Variants in LHFPL1 observed in about 807,000 individuals in gnomAD.
LHFPL1 encodes LHFPL tetraspan subfamily member 1 protein.
In LHFPL1, 4 loss-of-function variants were observed where a neutral mutation model predicts 12.1. The observed-to-expected ratio is 0.33, with a 90% CI of 0.16 to 0.76. The LOEUF (loss-of-function observed/expected upper bound fraction) is 0.76, where lower values mean the gene tolerates loss of function less well. Ranked by LOEUF, LHFPL1 falls within the 30% of genes least tolerant of loss-of-function variation. The pLI, the probability that LHFPL1 is intolerant of heterozygous loss-of-function variation, is 0.61. For synonymous variants in LHFPL1, 52 were observed against 61.9 expected, an observed-to-expected ratio of 0.84 and a Z score of 0.75; for missense variants, 141 against 174.1, an observed-to-expected ratio of 0.81 and a Z score of 1.07.
At chrX:112,656,590 A>G (rs1318171447) in intron 3 of LHFPL1, among the ~76,000 whole-genome samples, 1 of 111,850 alleles carries the variant, frequency 8.9e-6, no homozygotes, top group African/African-American at 3.2e-5. Flanking sequence ...CTATTCTCAG[A>G]TAACATGATT....
intron 3 of LHFPL1, 28 bp from the exon 4 acceptor site, chrX:112,631,629 A>G (rs1242809627): frequency 1.8e-6 from 2 of 1,081,468 alleles, no homozygotes; most frequent in African/African-American, 1.8e-5. Context: ...GAGAATGAGG[A>G]TTGGGTTGTC....
At chrX:112,650,220 G>A (rs1490210187) in intron 3 of LHFPL1, among the ~76,000 whole-genome samples, 3 of 110,808 alleles carry the variant, frequency 2.7e-5, no homozygotes, top group East Asian at 2.8e-4. Context: ...TTGCACCCTC[G>A]GTTTCTCAGA....
chrX:112,670,115 T>C (rs1931454272), intron 2 of LHFPL1, among the ~76,000 whole-genome samples: 1 of 112,353 alleles, frequency 8.9e-6, no homozygotes, highest in African/African-American at 3.2e-5. Flanking sequence ...GAGATAATAA[T>C]GATAATGAAT....
chrX:112,663,743 C>G (rs971379763), intron 2 of LHFPL1, among the ~76,000 whole-genome samples: 1 of 111,848 alleles, frequency 8.9e-6, no homozygotes, highest in Non-Finnish European at 1.9e-5. Flanking sequence ...AACAATATCT[C>G]TAGCAAGGCA....
intron 3 of LHFPL1, among the ~76,000 whole-genome samples, chrX:112,647,325 G>A (rs1930720063): frequency 8.9e-6 from 1 of 111,820 alleles, no homozygotes; most frequent in Non-Finnish European, 1.9e-5. Context: ...ATTGACAAAT[G>A]GGATCTAATT....
At chrX:112,645,840 G>A (rs1468767096) in intron 3 of LHFPL1, among the ~76,000 whole-genome samples, 1 of 111,879 alleles carries the variant, frequency 8.9e-6, no homozygotes, top group Non-Finnish European at 1.9e-5. Flanking sequence ...GAAAAGCATT[G>A]CACTTGACAG....
At chrX:112,635,796 T>G (rs1199990557) in intron 3 of LHFPL1, among the ~76,000 whole-genome samples, 4 of 111,408 alleles carry the variant, frequency 3.6e-5, no homozygotes. Flanking sequence ...GTGAGCAAAG[T>G]TATGTGAGTG....
intron 3 of LHFPL1, among the ~76,000 whole-genome samples, chrX:112,655,925 G>T (rs1930985963): frequency 9.0e-6 from 1 of 111,464 alleles, no homozygotes; most frequent in South Asian, 3.8e-4. Context: ...AAAAAACAAA[G>T]TTGGTAATCT....
chrX:112,674,971 C>A (rs761907466), intron 1 of LHFPL1, among the ~76,000 whole-genome samples: 11 of 111,539 alleles, frequency 9.9e-5, no homozygotes, highest in Non-Finnish European at 2.1e-4. Context: ...ATTATTGCAG[C>A]GACCTGGATG....
intron 3 of LHFPL1, among the ~76,000 whole-genome samples, chrX:112,655,352 C>T (rs931483700): frequency 1.8e-5 from 2 of 111,970 alleles, no homozygotes; most frequent in Admixed American, 1.9e-4. Context: ...TATCTTTAAT[C>T]CAATGCAGAC....
At chrX:112,650,408 C>T (rs1180101683) in intron 3 of LHFPL1, among the ~76,000 whole-genome samples, 2 of 111,403 alleles carry the variant, frequency 1.8e-5, no homozygotes, top group Admixed American at 1.9e-4. Flanking sequence ...CACACATTGC[C>T]TTCATTTTCC....
rs1404777250 is a variant in LHFPL1 at position 112,674,418 on chromosome X, C to A, written c.-14-3014G>T. Among the ~76,000 whole-genome samples the A allele has an allele frequency of 2.7e-5, 3 of 111,075 alleles. No individual in the cohort carries two copies. In the Admixed American group the frequency reaches 2.9e-4, roughly 11 times the overall value. Reference sequence around the variant, plus strand: ...ATGACCAAGAACCCAAAAGCAAATGCAATAAAAACAAAGATAAATAGCGGG... The same window carrying A: ...ATGACCAAGAACCCAAAAGCAAATGAAATAAAAACAAAGATAAATAGCGGG... On this transcript the variant is annotated intron_variant, in intron 1 of 3. Transcript: ENST00000371968.
intron 3 of LHFPL1, among the ~76,000 whole-genome samples, chrX:112,652,617 A>G (rs751577863): frequency 8.0e-4 from 90 of 112,257 alleles, no homozygotes; most frequent in Non-Finnish European, 1.6e-3. Context: ...AAATGATAAT[A>G]AAGAACCAGC....
At chrX:112,647,991 T>A (rs902446782) in intron 3 of LHFPL1, among the ~76,000 whole-genome samples, 1 of 111,223 alleles carries the variant, frequency 9.0e-6, no homozygotes, top group Non-Finnish European at 1.9e-5. Context: ...ATACTATGCA[T>A]CCATAAAAAA....
intron 1 of LHFPL1, among the ~76,000 whole-genome samples, chrX:112,672,010 C>A (rs757575090): frequency 2.7e-5 from 3 of 111,408 alleles, no homozygotes; most frequent in Non-Finnish European, 5.6e-5. Context: ...TGTTAGTGCG[C>A]GCTTTTCAAC....
intron 3 of LHFPL1, among the ~76,000 whole-genome samples, chrX:112,642,123 C>T (rs933255736): frequency 1.0e-4 from 11 of 108,362 alleles, no homozygotes; most frequent in African/African-American, 3.0e-4. Context: ...TACAGTTGAC[C>T]CTAGTTTTCC....
intron 3 of LHFPL1, 51 bp from the exon 4 acceptor site, chrX:112,631,652 C>G: frequency 1.1e-6 from 1 of 929,599 alleles, no homozygotes; most frequent in Admixed American, 2.6e-5. Flanking sequence ...TTCATATTTT[C>G]TCTTTGGTAA....
intron 3 of LHFPL1, among the ~76,000 whole-genome samples, chrX:112,645,573 T>C (rs1415326720): frequency 1.8e-5 from 2 of 111,584 alleles, no homozygotes; most frequent in Non-Finnish European, 3.8e-5. Flanking sequence ...GCTGAATAAT[T>C]TGCCCAAGGT....
At chrX:112,659,924 A>G (rs1177515596) in intron 3 of LHFPL1, among the ~76,000 whole-genome samples, 1 of 112,471 alleles carries the variant, frequency 8.9e-6, no homozygotes, top group Non-Finnish European at 1.9e-5. Flanking sequence ...AGCACAAGCT[A>G]TATGTGGTTG....
Sources: gnomAD v4.1 joint callset for allele counts (sites outside exome capture counted in the v4.1 genomes callset) on GRCh38, gnomAD v4.1.1 for gene constraint, MANE v1.5 for transcripts, NCBI Gene and HGNC (gene_info 2026-07-23, HGNC 2026-07-21) for gene names.